Variants in KIF16B observed in about 807,000 individuals in gnomAD.
KIF16B encodes kinesin-like protein KIF16B.
In KIF16B, 98 loss-of-function variants were observed where a neutral mutation model predicts 156.3. The ratio of observed to expected loss-of-function variants is 0.63; its 90% CI spans 0.53 to 0.74. The LOEUF (loss-of-function observed/expected upper bound fraction) is 0.74, where lower values mean the gene tolerates loss of function less well. Ranked by LOEUF, KIF16B falls within the 30% of genes least tolerant of loss-of-function variation. KIF16B has a pLI of 0.00. For missense variants in KIF16B, 1,421 were observed against 1,606.5 expected, an observed-to-expected ratio of 0.88 and a Z score of 1.97; for synonymous variants, 564 against 583.7, an observed-to-expected ratio of 0.97 and a Z score of 0.49.
At chr20:16,563,762 C>T (rs1036359786) in intron 1 of KIF16B, among the ~76,000 whole-genome samples, 1 of 152,162 alleles carries the variant, frequency 6.6e-6, no homozygotes, top group Non-Finnish European at 1.5e-5. Flanking sequence ...AATTATGTGA[C>T]CCAAGTCACT....
At chr20:16,320,491 T>C (rs1462401026) in intron 24 of KIF16B, among the ~76,000 whole-genome samples, 2 of 151,938 alleles carry the variant, frequency 1.3e-5, no homozygotes, top group Non-Finnish European at 2.9e-5. Flanking sequence ...AAAGCCCCAG[T>C]AGAAGGAACA....
intron 14 of KIF16B, among the ~76,000 whole-genome samples, chr20:16,428,484 C>T (rs1221575040): frequency 6.6e-6 from 1 of 152,126 alleles, no homozygotes; most frequent in East Asian, 1.9e-4. Flanking sequence ...TTCAGGAAAC[C>T]TAAAAAGCCA....
At chr20:16,315,418 G>C (rs1200664762) in intron 24 of KIF16B, among the ~76,000 whole-genome samples, 8 of 152,200 alleles carry the variant, frequency 5.3e-5, no homozygotes, top group Admixed American at 2.6e-4. Flanking sequence ...TGGGGGCAAA[G>C]TCAGGACTGA....
At chr20:16,285,866 AAC>A (rs568643745) in intron 25 of KIF16B, among the ~76,000 whole-genome samples, 104 of 152,194 alleles carry the variant, frequency 6.8e-4, no homozygotes, top group African/African-American at 2.5e-3. Context: ...AAACCCCACA[AAC>A]ACAGATGCCT....
intron 25 of KIF16B, among the ~76,000 whole-genome samples, chr20:16,305,841 G>T (rs1481563634): frequency 6.6e-6 from 1 of 152,054 alleles, no homozygotes; most frequent in Non-Finnish European, 1.5e-5. Context: ...TCATATTGCT[G>T]CAAATCCTTT....
At chr20:16,449,424 T>G (rs969718161) in intron 12 of KIF16B, among the ~76,000 whole-genome samples, 2 of 152,176 alleles carry the variant, frequency 1.3e-5, no homozygotes, top group Non-Finnish European at 2.9e-5. Context: ...CACAGCAGTT[T>G]GAGGGGAAAA....
chr20:16,421,234 C>G (rs899578272), intron 15 of KIF16B, among the ~76,000 whole-genome samples: 3 of 152,138 alleles, frequency 2.0e-5, no homozygotes, highest in African/African-American at 4.8e-5. Flanking sequence ...AAAGCCAAGA[C>G]AGATTTCAAA....
chr20:16,547,480 T>C (rs939004367), intron 1 of KIF16B, among the ~76,000 whole-genome samples: 3 of 152,230 alleles, frequency 2.0e-5, no homozygotes, highest in Non-Finnish European at 2.9e-5. Context: ...TCACATTTTT[T>C]ATTCTGGGGG....
chr20:16,496,058 T>C (rs2068443558), intron 11 of KIF16B, among the ~76,000 whole-genome samples: 1 of 152,172 alleles, frequency 6.6e-6, no homozygotes, highest in East Asian at 1.9e-4. Context: ...CTCCAGTCCT[T>C]CATTTCATCA....
At chr20:16,551,287 T>C (rs565162412) in intron 1 of KIF16B, among the ~76,000 whole-genome samples, 2 of 152,266 alleles carry the variant, frequency 1.3e-5, no homozygotes, top group South Asian at 4.1e-4. Context: ...CTCGCCACCA[T>C]GCCCGGCTAG....
intron 11 of KIF16B, among the ~76,000 whole-genome samples, chr20:16,496,420 G>A (rs994501931): frequency 3.3e-5 from 5 of 152,156 alleles, no homozygotes; most frequent in Non-Finnish European, 7.3e-5. Context: ...GCATTTAAAC[G>A]AAATAATATC....
intron 12 of KIF16B, among the ~76,000 whole-genome samples, chr20:16,455,705 G>C (rs955030956): frequency 6.6e-6 from 1 of 152,128 alleles, no homozygotes; most frequent in Non-Finnish European, 1.5e-5. Context: ...GAAAGAAAGA[G>C]ACAAAAGGAC....
intron 24 of KIF16B, among the ~76,000 whole-genome samples, chr20:16,328,487 A>T (rs982131472): frequency 6.6e-6 from 1 of 152,174 alleles, no homozygotes; most frequent in Non-Finnish European, 1.5e-5. Context: ...TCTCATTTTC[A>T]AAATTCATTC....
intron 1 of KIF16B, among the ~76,000 whole-genome samples, chr20:16,567,101 G>A (rs1001002263): frequency 4.6e-5 from 7 of 152,160 alleles, no homozygotes; most frequent in Non-Finnish European, 4.4e-5. Flanking sequence ...AAGGACTTTA[G>A]GAAGTTAGAG....
At chr20:16,394,538 C>G (rs2065446669) in intron 17 of KIF16B, among the ~76,000 whole-genome samples, 1 of 152,086 alleles carries the variant, frequency 6.6e-6, no homozygotes, top group African/African-American at 2.4e-5. Flanking sequence ...CAACTGAGAC[C>G]AAAAACTGGA....
At chr20:16,440,951 T>C (rs180896897) in intron 12 of KIF16B, among the ~76,000 whole-genome samples, 2 of 152,336 alleles carry the variant, frequency 1.3e-5, no homozygotes, top group African/African-American at 4.8e-5. Flanking sequence ...GCAAAATGCA[T>C]AATACCAATT....
chr20:16,303,884 C>G (rs1346647266), intron 25 of KIF16B, among the ~76,000 whole-genome samples: 1 of 152,176 alleles, frequency 6.6e-6, no homozygotes, highest in African/African-American at 2.4e-5. Flanking sequence ...GAGGAGAATA[C>G]ATTTGAGCTG....
At chr20:16,489,223 G>GCCCC (rs2068212878) in intron 12 of KIF16B, among the ~76,000 whole-genome samples, 2 of 152,166 alleles carry the variant, frequency 1.3e-5, no homozygotes, top group African/African-American at 4.8e-5. Context: ...GGGCCTTGGA[G>GCCCC]AAGAGGTACC....
intron 17 of KIF16B, among the ~76,000 whole-genome samples, chr20:16,399,798 A>C (rs1208964806): frequency 6.6e-6 from 1 of 152,204 alleles, no homozygotes; most frequent in Non-Finnish European, 1.5e-5. Context: ...CAGTTACTGA[A>C]GCCAGAAACT....
Sources: allele counts gnomAD v4.1 joint callset (sites outside exome capture counted in the v4.1 genomes callset), GRCh38; gene constraint gnomAD v4.1.1; transcripts MANE v1.5; gene names NCBI Gene and HGNC (gene_info 2026-07-23, HGNC 2026-07-21).